Variants in DNAH2 observed in about 807,000 individuals in gnomAD.
The protein encoded by DNAH2 is dynein axonemal heavy chain 2.
In DNAH2, 323 loss-of-function variants were observed where a neutral mutation model predicts 523.5. The observed-to-expected ratio is 0.62, with a 90% confidence interval of 0.56 to 0.68. The LOEUF (loss-of-function observed/expected upper bound fraction) is 0.68, where lower values mean the gene tolerates loss of function less well. Ranked by LOEUF, DNAH2 falls within the 30% of genes least tolerant of loss-of-function variation. The pLI is 0.00. For missense variants in DNAH2, 4,907 were observed against 5,701.5 expected, an observed-to-expected ratio of 0.86 and a Z score of 4.49; for synonymous variants, 2,093 against 2,177.4, an observed-to-expected ratio of 0.96 and a Z score of 1.08.
In DNAH2 at chr17:7,727,167, G is replaced by A. The variant is rs1276615879; in HGVS notation, c.274G>A (p.Ala92Thr). 2 of 1,600,746 alleles carry A rather than the reference G, an allele frequency of 1.2e-6. No homozygotes were observed. The highest frequency in any genetic ancestry group is 2.3e-5 in the South Asian group (2 of 88,746). The change falls in exon 4 of 86, where the codon GCA becomes ACA. Residue 92 changes from alanine (A) to threonine (T), a missense_variant. Ala to Thr is a moderately conservative substitution (Grantham distance 58). Around this residue, in one of 3 missense-constraint regions of DNAH2, gnomAD observed 2,806 missense variants for 3,190.8 expected, o/e 0.88. Coordinates refer to ENST00000572933, the MANE Select transcript of DNAH2 (RefSeq NM_020877.5). ...AGCTGCGCTGACAGGACTGGCGGATGCAGTGTGGACACAGGAGCATGATGC... is the reference window on the plus strand; with the variant it reads ...AGCTGCGCTGACAGGACTGGCGGATACAGTGTGGACACAGGAGCATGATGC... ...SRAALTGLAD[A>T]VWTQEHDAIL...
At position 7,833,450 on chromosome 17, in the gene DNAH2, G is replaced by C. The variant is rs201842080; in HGVS notation, c.13201G>C (p.Gly4401Arg). ...CTCAGACCGAGCCTCCTTTGTCATC[G>C]GCATTGACCTGCGGTCTGGGGCCAT... ...GSSDRASFVIGIDLRSGAMTP... is the reference protein window; with the variant it reads ...GSSDRASFVIRIDLRSGAMTP... The change falls in exon 86 of 86, where the codon GGC (glycine) becomes CGC (arginine). Residue 4401 changes from glycine (G) to arginine (R), a missense_variant. By Grantham distance (125) the Gly-to-Arg change is moderately radical (BLOSUM62 -2). This residue lies in a region of DNAH2 where 1,851 missense variants were observed against 2,139.4 expected (regional missense o/e 0.87). Transcript: ENST00000572933. 6.2e-7 allele frequency: 1 copy of C among 1,614,114 alleles called. No homozygotes were observed. Among genetic ancestry groups the C allele is most frequent in the Non-Finnish European group, 8.5e-7 (1 of 1,180,020 alleles).
chr17:7,772,045 A>G (rs1162786713), intron 28 of DNAH2, among the ~76,000 whole-genome samples: 1 of 152,120 alleles, frequency 6.6e-6, no homozygotes, highest in Non-Finnish European at 1.5e-5. Context: ...CAGATTAACT[A>G]GCCTTCAGCC....
At position 7,736,049 on chromosome 17, in the gene DNAH2, G is replaced by A. The variant is rs144803968; in HGVS notation, c.979-1018G>A. ...ATTACAGGTGTCAGCCACCTCGCCC[G>A]GCCTAATTTTTAAATTTTTTGTAGA... is the stretch of plus-strand genomic sequence containing the variant. On this transcript the variant is annotated intron_variant, in intron 7 of 85. Coordinates refer to ENST00000572933, the MANE Select transcript of DNAH2 (RefSeq NM_020877.5). Among the ~76,000 whole-genome samples, 459 of 151,786 alleles carry A rather than the reference G, an allele frequency of 3.0e-3. 3 individuals are homozygous for A. Among genetic ancestry groups the A allele is most frequent in the African/African-American group, 0.011 (441 of 41,384 alleles).
chr17:7,788,332 A>C, intron 44 of DNAH2, 88 bp downstream of exon 44: 1 of 1,439,958 alleles, frequency 6.9e-7, no homozygotes, highest in African/African-American at 1.4e-5. Context: ...TGTCTGAGAC[A>C]GGTTGAACTC....
intron 4 of DNAH2, among the ~76,000 whole-genome samples, chr17:7,728,952 T>C (rs1307497230): frequency 1.3e-5 from 2 of 151,570 alleles, no homozygotes; most frequent in Admixed American, 6.6e-5. Context: ...TTCACTGCAC[T>C]CCAGCCTGGG....
chr17:7,824,453 C>G, intron 76 of DNAH2, 84 bp from the exon 77 acceptor site: 1 of 1,399,816 alleles, frequency 7.1e-7, no homozygotes. Flanking sequence ...CCCCCCAGCA[C>G]CCCCACCCCA....
At chr17:7,721,532 G>A (rs2074606864) in intron 2 of DNAH2, among the ~76,000 whole-genome samples, 1 of 135,962 alleles carries the variant, frequency 7.4e-6, no homozygotes. Context: ...AAGGGAGTTG[G>A]ATCATCTCAC....
In DNAH2 at chr17:7,807,886, T is replaced by A. The variant is rs2077409613; in HGVS notation, c.9729+300T>A. On this transcript the variant is annotated intron_variant, in intron 63 of 85. Coordinates refer to ENST00000572933, the MANE Select transcript of DNAH2 (RefSeq NM_020877.5). The surrounding 1 kb of genome is among the most constrained non-coding windows in gnomAD (Gnocchi z 5.6). ...CCCTTCGGAGATGGCGCCTGAGATATTAACTGATGACATCTGCGTGGCAAA... is the reference window on the plus strand; with the variant it reads ...CCCTTCGGAGATGGCGCCTGAGATAATAACTGATGACATCTGCGTGGCAAA... Among the ~76,000 whole-genome samples the A allele has an allele frequency of 6.6e-6, 1 of 152,188 alleles. No individual in the cohort carries two copies. The highest frequency in any genetic ancestry group is 1.5e-5 in the Non-Finnish European group (1 of 68,034).
chr17:7,774,630 G>T, intron 28 of DNAH2, 129 bp from the exon 29 acceptor site: 2 of 736,494 alleles, frequency 2.7e-6, no homozygotes. Flanking sequence ...ACTTCTCTGC[G>T]TCCAGAAACC....
chr17:7,727,462 C>A (rs566309305), intron 4 of DNAH2, among the ~76,000 whole-genome samples, 170 bp downstream of exon 4: 2 of 152,148 alleles, frequency 1.3e-5, no homozygotes, highest in African/African-American at 2.4e-5. Flanking sequence ...GACGCAAGAA[C>A]GCTGTCATGG....
At chr17:7,762,609 C>G (rs138080224) in intron 18 of DNAH2, among the ~76,000 whole-genome samples, 4 of 152,058 alleles carry the variant, frequency 2.6e-5, no homozygotes, top group African/African-American at 7.2e-5. Context: ...GCTGGGATTA[C>G]GGGCCTGAGC....
intron 28 of DNAH2, among the ~76,000 whole-genome samples, chr17:7,773,712 G>A (rs1177383848): frequency 6.6e-6 from 1 of 152,102 alleles, no homozygotes; most frequent in East Asian, 1.9e-4. Context: ...TTCACAGATA[G>A]AAGATTCATA....
At chr17:7,742,656 T>A (rs982894697) in intron 11 of DNAH2, among the ~76,000 whole-genome samples, 1 of 152,212 alleles carries the variant, frequency 6.6e-6, no homozygotes, top group African/African-American at 2.4e-5. Context: ...GACTGACCTT[T>A]TTCTCCCAGC....
chr17:7,774,692 TG>T, intron 28 of DNAH2, 66 bp from the exon 29 acceptor site: 1 of 1,410,222 alleles, frequency 7.1e-7, no homozygotes, highest in Non-Finnish European at 9.8e-7. Flanking sequence ...AACACAGAGT[TG>T]GGGCATCCAG....
rs1328387793 is a variant in DNAH2, at chr17:7,796,583, C to T, written c.7794C>T (p.Thr2598=). The T allele has an allele frequency of 1.1e-5, 18 of 1,613,338 alleles. No homozygotes were observed. The highest frequency in any genetic ancestry group is 1.7e-5 in the Admixed American group (1 of 59,900). Residue 2598 remains threonine, a synonymous_variant, in exon 50 of 86, where the codon ACC becomes ACT. Coordinates refer to ENST00000572933, the MANE Select transcript of DNAH2 (RefSeq NM_020877.5). ...VTEATLDMYN[T]VVQRFLPTPT... ...AGGCCACCCTGGACATGTACAACACCGTGGTACAGCGCTTCCTGCCCACGC... is the reference window on the plus strand; with the variant it reads ...AGGCCACCCTGGACATGTACAACACTGTGGTACAGCGCTTCCTGCCCACGC...
Position 7,833,574 on chromosome 17 carries a change from C to T in DNAH2, c.*41C>T. Reference sequence around the variant, plus strand: ...TCCGCTTGAGAGAGAGGGTCAGGGACTCCAGGAGCTAAGACAGATGTTGCA... The same window carrying T: ...TCCGCTTGAGAGAGAGGGTCAGGGATTCCAGGAGCTAAGACAGATGTTGCA... On this transcript the variant is annotated 3_prime_UTR_variant, in exon 86 of 86. Transcript: ENST00000572933. The T allele has an allele frequency of 6.2e-7, 1 of 1,608,288 alleles. No homozygotes were observed. Among genetic ancestry groups the T allele is most frequent in the Non-Finnish European group, 8.5e-7 (1 of 1,179,606 alleles).
In DNAH2 at chr17:7,831,780, G is replaced by C; in HGVS notation, c.12726+5G>C. ...GTTCCTCCGCTCTGGGGAAAGGCAAGATTATACCATTGTTGATCCTTCTCC... is the reference window on the plus strand; with the variant it reads ...GTTCCTCCGCTCTGGGGAAAGGCAACATTATACCATTGTTGATCCTTCTCC... On this transcript the variant is annotated splice_donor_5th_base_variant and intron_variant, in intron 82 of 85. Transcript: ENST00000572933. This position sits in a 1 kb window ranked among gnomAD's most constrained non-coding sequence, Gnocchi z 4.2. 1 of 1,610,448 alleles carries C rather than the reference G, an allele frequency of 6.2e-7. No individual in the cohort carries two copies. The highest frequency in any genetic ancestry group is 2.2e-5 in the East Asian group (1 of 44,826).
At chr17:7,799,545 A>T (rs2077164845) in intron 56 of DNAH2, among the ~76,000 whole-genome samples, 1 of 152,172 alleles carries the variant, frequency 6.6e-6, no homozygotes, top group Admixed American at 6.6e-5. Flanking sequence ...GGCCGGGCAT[A>T]GTGGTTCACA....
rs140181771 is a variant in DNAH2, at chr17:7,803,181, T to C, written c.8973-1075T>C. Among the ~76,000 whole-genome samples, 42 of 152,134 alleles carry C rather than the reference T, an allele frequency of 2.8e-4. No homozygotes were observed. In the East Asian group the frequency reaches 7.4e-3, roughly 27 times the overall value. On this transcript the variant is annotated intron_variant, in intron 58 of 85. Coordinates refer to ENST00000572933, the MANE Select transcript of DNAH2 (RefSeq NM_020877.5). Reference sequence around the variant, plus strand: ...GAGTCAGATCGCACAGGTGGAGGGCTCAGTCCCACAATACACCCGCCGCTT... The same window carrying C: ...GAGTCAGATCGCACAGGTGGAGGGCCCAGTCCCACAATACACCCGCCGCTT...
Sources: allele counts gnomAD v4.1 joint callset (sites outside exome capture counted in the v4.1 genomes callset), GRCh38; gene constraint gnomAD v4.1.1; regional missense constraint gnomAD v4.1.1; non-coding constraint Gnocchi (gnomAD v3.1); transcripts MANE v1.5; gene names NCBI Gene and HGNC (gene_info 2026-07-23, HGNC 2026-07-21).